CREBL2: variants seen among roughly 807,000 people sequenced by gnomAD.
The protein encoded by CREBL2 is cAMP responsive element binding protein like 2, also known as cAMP-responsive element-binding protein-like 2.
In CREBL2, 4 loss-of-function variants were observed where a neutral mutation model predicts 19.5. The observed-to-expected ratio is 0.20, with a 90% confidence interval of 0.10 to 0.47. The LOEUF (loss-of-function observed/expected upper bound fraction) is 0.47. Ranked by LOEUF, CREBL2 falls within the 20% of genes least tolerant of loss-of-function variation. CREBL2 has a pLI of 0.98. For missense variants in CREBL2, 85 were observed against 145.1 expected, an observed-to-expected ratio of 0.59 and a Z score of 2.13; for synonymous variants, 42 against 46.6, an observed-to-expected ratio of 0.90 and a Z score of 0.40.
chr12:12,616,788 C>T (rs1271646490), intron 1 of CREBL2, among the ~76,000 whole-genome samples: 2 of 152,146 alleles, frequency 1.3e-5, no homozygotes, highest in Non-Finnish European at 2.9e-5. Context: ...CTCTCTCGTC[C>T]CATTTTCTTC....
At chr12:12,616,974 A>G (rs1304304464) in intron 1 of CREBL2, among the ~76,000 whole-genome samples, 1 of 152,218 alleles carries the variant, frequency 6.6e-6, no homozygotes, top group Non-Finnish European at 1.5e-5. Flanking sequence ...AAACATGATG[A>G]TGATAATGTG....
intron 1 of CREBL2, among the ~76,000 whole-genome samples, chr12:12,633,474 G>A (rs1442295563): frequency 1.3e-5 from 2 of 152,148 alleles, no homozygotes; most frequent in Non-Finnish European, 2.9e-5. Flanking sequence ...CGATGATGCA[G>A]AAGAGAAAAG....
In CREBL2 at chr12:12,644,263, GGC is replaced by G. The variant is rs1945547908; in HGVS notation, c.*2266_*2267del. The G allele has an allele frequency of 6.6e-6, 1 of 152,154 alleles. No homozygotes were observed. Among genetic ancestry groups the G allele is most frequent in the Admixed American group, 6.5e-5 (1 of 15,268 alleles). 9.4% of individuals were successfully genotyped at this position (152,154 alleles called of 1,614,324 possible). ...CGTTGATTGCCTCGGCTATTGTGCT[GGC>G]TGGACACTTTGGTCACTTTTGAAGC... On this transcript the variant is annotated 3_prime_UTR_variant, in exon 4 of 4. Coordinates refer to ENST00000228865, the MANE Select transcript of CREBL2 (RefSeq NM_001310.4).
At chr12:12,627,679 T>C (rs1945412835) in intron 1 of CREBL2, among the ~76,000 whole-genome samples, 1 of 152,258 alleles carries the variant, frequency 6.6e-6, no homozygotes, top group Admixed American at 6.5e-5. Context: ...AATGGTGCTG[T>C]GAACATTGAT....
rs1945268387 is a variant in CREBL2, at chr12:12,611,876, G to A, written c.-297G>A. 2 of 507,058 alleles carry A rather than the reference G, an allele frequency of 3.9e-6. No individual in the cohort carries two copies. The highest frequency in any genetic ancestry group is 7.0e-6 in the Non-Finnish European group (2 of 286,288). 31.4% of individuals were successfully genotyped at this position (507,058 alleles called of 1,614,324 possible). On this transcript the variant is annotated 5_prime_UTR_variant, in exon 1 of 4. Transcript: ENST00000228865. ...TGTGCAGCGCTCCCGCCCACCCTCC[G>A]GTCTCGGCGGCTCTCCAGAGCGTCT...
chr12:12,641,842 A>C (rs1195676281), intron 3 of CREBL2, 152 bp from the exon 4 acceptor site: 2 of 450,768 alleles, frequency 4.4e-6, no homozygotes, highest in Non-Finnish European at 7.9e-6. Flanking sequence ...AATGGAAAAA[A>C]GCCAAATCAG....
Position 12,643,637 on chromosome 12 carries a change from T to G in CREBL2, c.*1639T>G, listed in dbSNP as rs1010402725. On this transcript the variant is annotated 3_prime_UTR_variant, in exon 4 of 4. Coordinates refer to ENST00000228865, the MANE Select transcript of CREBL2 (RefSeq NM_001310.4). ...TTAGCCTGAGCTCCTAAAGACCTCT[T>G]GTACTTGGTTGCAAACTCAGATCTC... 3 of 150,616 alleles carry G rather than the reference T, an allele frequency of 2.0e-5. No homozygotes were observed. Among genetic ancestry groups the G allele is most frequent in the Non-Finnish European group, 4.4e-5 (3 of 67,812 alleles). The allele number at this position is 150,616 out of a possible 1,614,324, so 9.3% of individuals were successfully genotyped here.
At chr12:12,622,465 C>G (rs972985663) in intron 1 of CREBL2, among the ~76,000 whole-genome samples, 3 of 152,192 alleles carry the variant, frequency 2.0e-5, no homozygotes, top group Admixed American at 1.3e-4. Flanking sequence ...AACCAGAAGA[C>G]AGGGCTGTTA....
intron 2 of CREBL2, 69 bp downstream of exon 2, chr12:12,636,043 G>A (rs954213632): frequency 2.9e-6 from 4 of 1,366,312 alleles, no homozygotes; most frequent in East Asian, 2.4e-5. Flanking sequence ...ATTAAAATAC[G>A]AAAATACCAG....
chr12:12,613,727 G>C (rs1945285346), intron 1 of CREBL2, among the ~76,000 whole-genome samples: 1 of 152,124 alleles, frequency 6.6e-6, no homozygotes, highest in Non-Finnish European at 1.5e-5. Flanking sequence ...AATATGCTCA[G>C]TACACACATT....
chr12:12,641,247 A>ATTTTTTTTTTTTTTTTTTT (rs1380373401), intron 3 of CREBL2, among the ~76,000 whole-genome samples: 2 of 22,068 alleles, frequency 9.1e-5, no homozygotes, highest in East Asian at 1.1e-3. Flanking sequence ...TATTATTATT[A>ATTTTTTTTTTTTTTTTTTT]TTATTATTTT....
In CREBL2 at chr12:12,635,691, A is replaced by G. The variant is rs1467695811; in HGVS notation, c.16-86A>G. 11 of 1,462,466 alleles carry G rather than the reference A, an allele frequency of 7.5e-6. No homozygotes were observed. In the East Asian group the frequency reaches 2.7e-4, roughly 36 times the overall value. 90.6% of individuals were successfully genotyped at this position (1,462,466 alleles called of 1,614,324 possible). A position where few individuals can be genotyped will look rare whatever the true frequency, so the allele number is the denominator to read the frequency against. On this transcript the variant is annotated intron_variant, in intron 1 of 3. Coordinates refer to ENST00000228865, the MANE Select transcript of CREBL2 (RefSeq NM_001310.4). ...GGCTTCACTCACGTTTTGTTTATAA[A>G]TGTTCTCTTTGCTAATATGCAGCCA...
intron 1 of CREBL2, among the ~76,000 whole-genome samples, chr12:12,625,326 G>T (rs1945393637): frequency 1.3e-5 from 2 of 152,150 alleles, no homozygotes; most frequent in South Asian, 4.1e-4. Context: ...GAATACATTG[G>T]CATCACTTTA....
intron 1 of CREBL2, among the ~76,000 whole-genome samples, chr12:12,620,840 T>A (rs960995752): frequency 6.6e-6 from 1 of 152,186 alleles, no homozygotes; most frequent in South Asian, 2.1e-4. Flanking sequence ...GAACATTTTA[T>A]TGGGTGAGGC....
At chr12:12,640,547 A>G (rs139968425) in intron 3 of CREBL2, among the ~76,000 whole-genome samples, 2,853 of 152,320 alleles carry the variant, frequency 0.019, 90 homozygotes, top group African/African-American at 0.064. Flanking sequence ...AGTTAACACA[A>G]TTATCACAGT....
intron 1 of CREBL2, among the ~76,000 whole-genome samples, chr12:12,624,611 G>A (rs1196891434): frequency 1.3e-5 from 2 of 152,200 alleles, no homozygotes; most frequent in African/African-American, 4.8e-5. Context: ...CTTTATGCAG[G>A]CCCAATGGCA....
At chr12:12,632,445 A>T (rs549294516) in intron 1 of CREBL2, 2 of 152,282 alleles carry the variant, frequency 1.3e-5, no homozygotes, top group South Asian at 4.1e-4. Flanking sequence ...ATAAAAACTA[A>T]ACAAAGGGTT....
chr12:12,638,780 C>G (rs1409571681), intron 3 of CREBL2, among the ~76,000 whole-genome samples: 1 of 152,158 alleles, frequency 6.6e-6, no homozygotes, highest in East Asian at 1.9e-4. Context: ...CTCACCTAAT[C>G]CAGGCTGTCT....
intron 3 of CREBL2, 121 bp downstream of exon 3, chr12:12,637,835 G>T: frequency 9.1e-7 from 1 of 1,102,770 alleles, no homozygotes; most frequent in Non-Finnish European, 1.2e-6. Context: ...GAGCCCAGGA[G>T]TTCAAGACCA....
Sources: allele counts gnomAD v4.1 joint callset (sites outside exome capture counted in the v4.1 genomes callset), GRCh38; gene constraint gnomAD v4.1.1; transcripts MANE v1.5; gene names NCBI Gene and HGNC (gene_info 2026-07-23, HGNC 2026-07-21).